ADARB2: variants seen among roughly 807,000 people sequenced by gnomAD.
ADARB2 encodes adenosine deaminase RNA specific B2 (inactive).
In ADARB2, 25 loss-of-function variants were observed where a neutral mutation model predicts 62.2. The ratio of observed to expected loss-of-function variants is 0.40; its 90% CI spans 0.29 to 0.56. The LOEUF (loss-of-function observed/expected upper bound fraction) is 0.56. Among genes scored for constraint, ADARB2 ranks in the 20% least tolerant of loss-of-function variants. The pLI is 0.43. For synonymous variants in ADARB2, 572 were observed against 500.8 expected, an observed-to-expected ratio of 1.14 and a Z score of -1.90; for missense variants, 1,071 against 1,077.4, an observed-to-expected ratio of 0.99 and a Z score of 0.08.
At chr10:1,610,740 G>T (rs1211135687) in intron 1 of ADARB2, among the ~76,000 whole-genome samples, 1 of 129,438 alleles carries the variant, frequency 7.7e-6, no homozygotes, top group Non-Finnish European at 1.7e-5. Context: ...TCATGGAGAT[G>T]GGCAGGCGCA....
At chr10:1,295,186 G>A (rs60659100) in intron 3 of ADARB2, among the ~76,000 whole-genome samples, 3,880 of 152,276 alleles carry the variant, frequency 0.025, 161 homozygotes, top group African/African-American at 0.087. Context: ...GACATATGAC[G>A]TTTGTCGCTG....
chr10:1,229,810 A>T (rs1337906600), intron 6 of ADARB2, among the ~76,000 whole-genome samples: 5 of 94,602 alleles, frequency 5.3e-5, no homozygotes, highest in Admixed American at 4.8e-4. Flanking sequence ...GTGCGTGTAC[A>T]TGTACTTATG....
intron 1 of ADARB2, chr10:1,556,654 T>G (rs765610867): frequency 1.9e-6 from 1 of 533,748 alleles, no homozygotes; most frequent in Admixed American, 1.9e-5. Flanking sequence ...CACATTGCGC[T>G]CCAAGTACCC....
intron 1 of ADARB2, among the ~76,000 whole-genome samples, chr10:1,538,346 A>G (rs1203778050): frequency 6.6e-6 from 1 of 152,164 alleles, no homozygotes; most frequent in Non-Finnish European, 1.5e-5. Flanking sequence ...CAGACTGCGA[A>G]GCCCCTTCCA....
chr10:1,578,277 C>T (rs1177400956), intron 1 of ADARB2, among the ~76,000 whole-genome samples: 1 of 152,176 alleles, frequency 6.6e-6, no homozygotes, highest in African/African-American at 2.4e-5. Flanking sequence ...TGAAGTCACA[C>T]TCATCCCTGT....
chr10:1,360,447 C>T (rs765576122), intron 3 of ADARB2, among the ~76,000 whole-genome samples: 25 of 151,892 alleles, frequency 1.6e-4, no homozygotes, highest in African/African-American at 5.3e-4. Context: ...GCTGTGTAGA[C>T]GGGGGTCCAT....
At chr10:1,659,054 TCC>T (rs1287429116) in intron 1 of ADARB2, among the ~76,000 whole-genome samples, 1 of 152,188 alleles carries the variant, frequency 6.6e-6, no homozygotes, top group Non-Finnish European at 1.5e-5. Flanking sequence ...TTTGCAAATC[TCC>T]TGTTAATTGT....
intron 1 of ADARB2, among the ~76,000 whole-genome samples, chr10:1,562,213 C>G (rs1046026974): frequency 6.6e-6 from 1 of 151,244 alleles, no homozygotes; most frequent in African/African-American, 2.5e-5. Context: ...GAGCATTCAC[C>G]TCCGGGCCCC....
At chr10:1,633,430 C>G (rs189248865) in intron 1 of ADARB2, among the ~76,000 whole-genome samples, 3 of 152,128 alleles carry the variant, frequency 2.0e-5, no homozygotes, top group Non-Finnish European at 4.4e-5. Flanking sequence ...AGAGTGTGGA[C>G]GCTGAACTGA....
intron 1 of ADARB2, among the ~76,000 whole-genome samples, chr10:1,561,213 T>A (rs569899116): frequency 1.3e-5 from 2 of 152,204 alleles, no homozygotes; most frequent in African/African-American, 4.8e-5. Flanking sequence ...TGTGTGTGGG[T>A]CACTGGCAGC....
Position 1,405,304 on chromosome 10 carries a change from C to T in ADARB2, c.101-26144G>A, listed in dbSNP as rs76310350. ...ACTGCTCGTGGGGTCTTCTGAGCTACCTACAATTACTCTCCTTCCAATCTT... is the reference window on the plus strand; with the variant it reads ...ACTGCTCGTGGGGTCTTCTGAGCTATCTACAATTACTCTCCTTCCAATCTT... On this transcript the variant is annotated intron_variant, in intron 1 of 9. Coordinates refer to ENST00000381312, the MANE Select transcript of ADARB2 (RefSeq NM_018702.4). Among the ~76,000 whole-genome samples the T allele has an allele frequency of 7.4e-3, 1,132 of 152,324 alleles. 19 individuals are homozygous for T. The highest frequency in any genetic ancestry group is 0.025 in the African/African-American group (1,051 of 41,566).
intron 7 of ADARB2, among the ~76,000 whole-genome samples, chr10:1,206,879 C>A (rs983562396): frequency 6.6e-6 from 1 of 152,196 alleles, no homozygotes; most frequent in South Asian, 2.1e-4. Context: ...GCATCTGGGC[C>A]GGGTCCCCCC....
chr10:1,679,212 C>T (rs1327692255), intron 1 of ADARB2, among the ~76,000 whole-genome samples: 2 of 152,064 alleles, frequency 1.3e-5, no homozygotes, highest in African/African-American at 2.4e-5. Context: ...CTTGGAGGGG[C>T]GACCACACAT....
At chr10:1,200,274 C>T in intron 7 of ADARB2, 127 bp from the exon 8 acceptor site, 2 of 1,300,724 alleles carry the variant, frequency 1.5e-6, no homozygotes, top group Non-Finnish European at 2.2e-6. Flanking sequence ...TTGGGGAGCT[C>T]CCTGGGAGTG....
intron 1 of ADARB2, among the ~76,000 whole-genome samples, chr10:1,465,784 C>T (rs1588268476): frequency 6.6e-6 from 1 of 152,348 alleles, no homozygotes; most frequent in African/African-American, 2.4e-5. Context: ...ACACCTCTCC[C>T]ACCCCCGCCC....
chr10:1,650,816 C>G (rs575683465), intron 1 of ADARB2, among the ~76,000 whole-genome samples: 182 of 152,258 alleles, frequency 1.2e-3, no homozygotes, highest in African/African-American at 4.3e-3. Context: ...GGACATTTGC[C>G]CCTAGCAGAG....
intron 1 of ADARB2, among the ~76,000 whole-genome samples, chr10:1,538,115 C>T (rs1023113763): frequency 1.3e-5 from 2 of 152,216 alleles, no homozygotes; most frequent in East Asian, 3.9e-4. Context: ...CCTGGGGGAT[C>T]TCCTTTAGAG....
At chr10:1,287,789 C>T (rs953627672) in intron 3 of ADARB2, among the ~76,000 whole-genome samples, 2 of 152,218 alleles carry the variant, frequency 1.3e-5, no homozygotes, top group Non-Finnish European at 2.9e-5. Context: ...GAGGCAACAG[C>T]ACATTCAAAG....
intron 1 of ADARB2, among the ~76,000 whole-genome samples, chr10:1,475,941 G>A (rs2813409): frequency 0.55 from 83,195 of 152,028 alleles, 22,963 homozygotes; most frequent in South Asian, 0.71. Context: ...TTGTTTCACC[G>A]AGTCTAGATG....
Sources: gnomAD v4.1 joint callset for allele counts (sites outside exome capture counted in the v4.1 genomes callset) on GRCh38, gnomAD v4.1.1 for gene constraint, MANE v1.5 for transcripts, NCBI Gene and HGNC (gene_info 2026-07-23, HGNC 2026-07-21) for gene names.